HES7: variants seen among roughly 807,000 people sequenced by gnomAD.
HES7 encodes the protein transcription factor HES-7.
Under a neutral mutation model 18.0 loss-of-function variants are expected in HES7, and 8 were observed. The observed-to-expected ratio is 0.45, with a 90% CI of 0.26 to 0.80. The LOEUF is 0.80. Ranked by LOEUF, HES7 falls within the 30% of genes least tolerant of loss-of-function variation. HES7 has a pLI of 0.18. For missense variants in HES7, 356 were observed against 340.9 expected (o/e 1.04, Z -0.35); for synonymous variants, 170 against 158.6 (o/e 1.07, Z -0.54).
In HES7 at chr17:8,122,732, T is replaced by A. The variant is rs546391902; in HGVS notation, c.138+299A>T. Among the ~76,000 whole-genome samples the A allele has an allele frequency of 2.6e-5, 4 of 152,150 alleles. No homozygotes were observed. The South Asian group carries it at 8.3e-4, about 32-fold the overall frequency. On this transcript the variant is annotated intron_variant, in intron 2 of 3. Transcript: ENST00000541682. The surrounding 1 kb of genome is among the most constrained non-coding windows in gnomAD (Gnocchi z 6.9). The stretch of plus-strand genomic sequence containing the variant: ...ACCCGACATAACAGAGGCTGGCTCA[T>A]CAGAGGCTGGCTGTGGGGGAGGGGG...
At position 8,123,968 on chromosome 17, in the gene HES7, C is replaced by T; in HGVS notation, c.42+75G>A. The T allele has an allele frequency of 3.2e-6, 5 of 1,551,838 alleles. No individual in the cohort carries two copies. Among genetic ancestry groups the T allele is most frequent in the Non-Finnish European group, 4.4e-6 (5 of 1,128,522 alleles). The stretch of plus-strand genomic sequence containing the variant: ...CCACCCCTGCGTCCCCAGCCTCTCT[C>T]CAGACCGACGGCGTCAGGGGCCCAG... On this transcript the variant is annotated intron_variant, in intron 1 of 3. Transcript: ENST00000541682. This position sits in a 1 kb window ranked among gnomAD's most constrained non-coding sequence, Gnocchi z 5.9.
At position 8,120,705 on chromosome 17, in the gene HES7, T is replaced by C. The variant is rs1981243405; in HGVS notation, c.*866A>G. ...AGCTCTGCACTCGCTCGCTCAGCCA[T>C]TTTCGGTTGCTCTCCCTCCCTGTTT... On this transcript the variant is annotated 3_prime_UTR_variant, in exon 4 of 4. Transcript: ENST00000541682. 1 of 152,638 alleles carries C rather than the reference T, an allele frequency of 6.6e-6. No homozygotes were observed. Among genetic ancestry groups the C allele is most frequent in the South Asian group, 2.1e-4 (1 of 4,824 alleles). 9.5% of individuals were successfully genotyped at this position (152,638 alleles called of 1,614,324 possible). A position where few individuals can be genotyped will look rare whatever the true frequency, so the allele number is the denominator to read the frequency against.
At chr17:8,125,744 G>A (rs1030252595), upstream of HES7, among the ~76,000 whole-genome samples, 1 of 152,192 alleles carries the variant, frequency 6.6e-6, no homozygotes, top group East Asian at 1.9e-4. Flanking sequence ...TCTTTAAGCC[G>A]CGCATTGGTG....
chr17:8,121,751 C>T lies in HES7; in HGVS notation c.513G>A (p.Gln171=). The T allele has an allele frequency of 6.7e-7, 1 of 1,483,400 alleles. No individual in the cohort carries two copies. Among genetic ancestry groups the T allele is most frequent in the Non-Finnish European group, 8.9e-7 (1 of 1,129,688 alleles). 91.9% of individuals were successfully genotyped at this position (1,483,400 alleles called of 1,614,324 possible). A position where few individuals can be genotyped will look rare whatever the true frequency, so the allele number is the denominator to read the frequency against. The part of the protein sequence containing the change: ...PALHQRPPVH[Q]GHPSPRCAWS... ...ATGCGCAGCGCGGGCTAGGGTGGCC[C>T]TGGTGCACTGGGGGGCGCTGGTGCA... The change falls in exon 4 of 4, where the codon CAG becomes CAA. Residue 171 remains glutamine, a synonymous_variant. Coordinates refer to ENST00000541682, the MANE Select transcript of HES7 (RefSeq NM_001165967.2).
chr17:8,121,733 G>C lies in HES7; in HGVS notation c.531C>G (p.Arg177=). The C allele has an allele frequency of 7.0e-7, 1 of 1,422,462 alleles. No homozygotes were observed. Among genetic ancestry groups the C allele is most frequent in the South Asian group, 1.5e-5 (1 of 66,352 alleles). The allele number at this position is 1,422,462 out of a possible 1,614,324, so 88.1% of individuals were successfully genotyped here. ...AGCAGAGGGATGGGGACCATGCGCAGCGCGGGCTAGGGTGGCCCTGGTGCA... is the reference window on the plus strand; with the variant it reads ...AGCAGAGGGATGGGGACCATGCGCACCGCGGGCTAGGGTGGCCCTGGTGCA... ...PPVHQGHPSP[R]CAWSPSLCSP... Residue 177 remains arginine (R), a synonymous_variant, in exon 4 of 4, where the codon CGC becomes CGG. Transcript: ENST00000541682.
In HES7 at chr17:8,120,872, C is replaced by A. The variant is rs1256610708; in HGVS notation, c.*699G>T. 6.5e-6 allele frequency: 1 copy of A among 152,698 alleles called. No individual in the cohort carries two copies. Among genetic ancestry groups the A allele is most frequent in the East Asian group, 1.9e-4 (1 of 5,202 alleles). The allele number at this position is 152,698 out of a possible 1,614,324, so 9.5% of individuals were successfully genotyped here. On this transcript the variant is annotated 3_prime_UTR_variant, in exon 4 of 4. Transcript: ENST00000541682. ...CCCTTAGCCCCGCTCCCCAACCCTGCCCCATTCCCACTCTAGTACCCGTAA... is the reference window on the plus strand; with the variant it reads ...CCCTTAGCCCCGCTCCCCAACCCTGACCCATTCCCACTCTAGTACCCGTAA...
In HES7 at chr17:8,123,487, G is replaced by C. The variant is rs540970072; in HGVS notation, c.43-361C>G. The C allele has an allele frequency of 5.2e-6, 2 of 383,084 alleles. No individual in the cohort carries two copies. The highest frequency in any genetic ancestry group is 9.7e-6 in the Non-Finnish European group (2 of 206,208). 23.7% of individuals were successfully genotyped at this position (383,084 alleles called of 1,614,324 possible). A position where few individuals can be genotyped will look rare whatever the true frequency, so the allele number is the denominator to read the frequency against. ...GCACGCACGTGCGCCGCACGGTGCCGGGCTCAGACCTGGCGGCCCTGAGTA... is the reference window on the plus strand; with the variant it reads ...GCACGCACGTGCGCCGCACGGTGCCCGGCTCAGACCTGGCGGCCCTGAGTA... On this transcript the variant is annotated intron_variant, in intron 1 of 3. Transcript: ENST00000541682. This position sits in a 1 kb window ranked among gnomAD's most constrained non-coding sequence, Gnocchi z 5.9.
In HES7 at chr17:8,122,061, G is replaced by C. The variant is rs531122988; in HGVS notation, c.227-24C>G. 518 of 1,488,230 alleles carry C rather than the reference G, an allele frequency of 3.5e-4. 3 individuals carry two copies. The African/African-American group carries it at 6.5e-3, about 19-fold the overall frequency. The allele number at this position is 1,488,230 out of a possible 1,614,324, so 92.2% of individuals were successfully genotyped here. ...GGCTGGTGCGGCCGGCGGGAGCACA[G>C]GTGGGCAGGGCAGGGGCCCGGCAGG... On this transcript the variant is annotated intron_variant, in intron 3 of 3. Transcript: ENST00000541682. The surrounding 1 kb of genome is among the most constrained non-coding windows in gnomAD (Gnocchi z 6.9).
rs1346333224 is a variant in HES7, at chr17:8,121,984, C to T, written c.280G>A (p.Ala94Thr). Reference protein sequence around the residue: ...RSPVQDAEALASCYLSGFREC... With the variant: ...RSPVQDAEALTSCYLSGFREC... ...CGGAAACCGGACAAGTAGCAGCTGG[C>T]GAGCGCCTCGGCGTCCTGGACTGGG... The change falls in exon 4 of 4, where the codon GCC becomes ACC. Residue 94 changes from alanine to threonine, a missense_variant. Transcript: ENST00000541682. 1 of 1,535,678 alleles carries T rather than the reference C, an allele frequency of 6.5e-7. No homozygotes were observed. Among genetic ancestry groups the T allele is most frequent in the Non-Finnish European group, 8.7e-7 (1 of 1,150,450 alleles).
In HES7 at chr17:8,122,158, G is replaced by C. The variant is rs1419392924; in HGVS notation, c.227-121C>G. ...CACAGAGACAGGAAGCCAGATGGAC[G>C]GAAAGAGGGAGAAAATGAGGGAGAC... On this transcript the variant is annotated intron_variant, in intron 3 of 3. Coordinates refer to ENST00000541682, the MANE Select transcript of HES7 (RefSeq NM_001165967.2). The surrounding 1 kb of genome is among the most constrained non-coding windows in gnomAD (Gnocchi z 6.9). The C allele has an allele frequency of 1.0e-6, 1 of 997,070 alleles. No homozygotes were observed. The highest frequency in any genetic ancestry group is 1.4e-6 in the Non-Finnish European group (1 of 693,648). The allele number at this position is 997,070 out of a possible 1,614,324, so 61.8% of individuals were successfully genotyped here. A position where few individuals can be genotyped will look rare whatever the true frequency, so the allele number is the denominator to read the frequency against.
chr17:8,122,028 G>A lies in HES7; in HGVS notation c.236C>T (p.Ala79Val), dbSNP rs768755302. Residue 79 changes from alanine to valine, a missense_variant, in exon 4 of 4, where the codon GCT becomes GTT. Ala to Val is a moderately conservative substitution (Grantham distance 64). Transcript: ENST00000541682. The surrounding 1 kb of genome is among the most constrained non-coding windows in gnomAD (Gnocchi z 6.9). The part of the protein sequence containing the change: ...RSRVEPPAAA[A>V]PGVPRSPVQD... ...GACTGGGGACCGGGGAACCCCTGGAGCCGCGGCGGCTGGTGCGGCCGGCGG... is the reference window on the plus strand; with the variant it reads ...GACTGGGGACCGGGGAACCCCTGGAACCGCGGCGGCTGGTGCGGCCGGCGG... 4.6e-6 allele frequency: 7 copies of A among 1,509,284 alleles called. No individual in the cohort carries two copies. The African/African-American group carries it at 8.6e-5, about 19-fold the overall frequency. The allele number at this position is 1,509,284 out of a possible 1,614,324, so 93.5% of individuals were successfully genotyped here. A position where few individuals can be genotyped will look rare whatever the true frequency, so the allele number is the denominator to read the frequency against.
At position 8,121,770 on chromosome 17, in the gene HES7, T is replaced by C; in HGVS notation, c.494A>G (p.Gln165Arg). ...GTGGCCCTGGTGCACTGGGGGGCGC[T>C]GGTGCAGCGCAGGGCCAAGGGCCGG... ...AAPALGPALHQRPPVHQGHPS... is the reference protein window; with the variant it reads ...AAPALGPALHRRPPVHQGHPS... The change falls in exon 4 of 4, where the codon CAG (glutamine) becomes CGG (arginine). Residue 165 changes from glutamine (Q) to arginine (R), a missense_variant. Physicochemically the swap from Gln to Arg is conservative, Grantham distance 43. Transcript: ENST00000541682. The C allele has an allele frequency of 1.3e-6, 2 of 1,518,968 alleles. No individual in the cohort carries two copies. Among genetic ancestry groups the C allele is most frequent in the Non-Finnish European group, 1.7e-6 (2 of 1,146,252 alleles). The allele number at this position is 1,518,968 out of a possible 1,614,324, so 94.1% of individuals were successfully genotyped here.
At position 8,123,683 on chromosome 17, in the gene HES7, C is replaced by A. The variant is rs1365591441; in HGVS notation, c.42+360G>T. On this transcript the variant is annotated intron_variant, in intron 1 of 3. Transcript: ENST00000541682. This position sits in a 1 kb window ranked among gnomAD's most constrained non-coding sequence, Gnocchi z 5.9. ...CCTTGGGCCAGCCCCGCCCGGCTCACAGCCAGAGTGGAGCAAGTGCCTATC... is the reference window on the plus strand; with the variant it reads ...CCTTGGGCCAGCCCCGCCCGGCTCAAAGCCAGAGTGGAGCAAGTGCCTATC... Among the ~76,000 whole-genome samples, 1 of 152,248 alleles carries A rather than the reference C, an allele frequency of 6.6e-6. No individual in the cohort carries two copies. Among genetic ancestry groups the A allele is most frequent in the African/African-American group, 2.4e-5 (1 of 41,472 alleles).
At position 8,121,809 on chromosome 17, in the gene HES7, A is replaced by G; in HGVS notation, c.455T>C (p.Leu152Pro). The part of the protein sequence containing the change: ...DPRPPAPRPS[L>P]DPAAPALGPA... Reference sequence around the variant, plus strand: ...GCCAAGGGCCGGTGCGGCGGGGTCCAGGGATGGGCGCGGCGCTGGAGGCCT... The same window carrying G: ...GCCAAGGGCCGGTGCGGCGGGGTCCGGGGATGGGCGCGGCGCTGGAGGCCT... The change falls in exon 4 of 4, where the codon CTG (leucine) becomes CCG (proline). Residue 152 changes from leucine to proline, a missense_variant. Coordinates refer to ENST00000541682, the MANE Select transcript of HES7 (RefSeq NM_001165967.2). 2 of 1,565,236 alleles carry G rather than the reference A, an allele frequency of 1.3e-6. No individual in the cohort carries two copies. Among genetic ancestry groups the G allele is most frequent in the Admixed American group, 1.8e-5 (1 of 56,782 alleles).
upstream of HES7, among the ~76,000 whole-genome samples, chr17:8,124,305 G>T (rs1368461927): frequency 6.6e-6 from 1 of 152,130 alleles, no homozygotes; most frequent in Admixed American, 6.5e-5. Context: ...GTGAATGGGG[G>T]CACTGGCTGG....
In HES7 at chr17:8,121,492, G is replaced by T; in HGVS notation, c.*79C>A. On this transcript the variant is annotated 3_prime_UTR_variant, in exon 4 of 4. Coordinates refer to ENST00000541682, the MANE Select transcript of HES7 (RefSeq NM_001165967.2). ...GCCCTCCCCAACACCTGCTCGCCCG[G>T]ACGCCCGGGTCCCTCTGCTGCCCTC... The T allele has an allele frequency of 8.2e-7, 1 of 1,219,504 alleles. No individual in the cohort carries two copies. The highest frequency in any genetic ancestry group is 1.0e-6 in the Non-Finnish European group (1 of 967,956). The allele number at this position is 1,219,504 out of a possible 1,614,324, so 75.5% of individuals were successfully genotyped here.
At chr17:8,124,372 T>C (rs1371509675), upstream of HES7, among the ~76,000 whole-genome samples, 1 of 152,128 alleles carries the variant, frequency 6.6e-6, no homozygotes, top group African/African-American at 2.4e-5. Context: ...GAGGAGGCTA[T>C]TGGGGCAGAG....
In HES7 at chr17:8,121,649, T is replaced by C. The variant is rs911422224; in HGVS notation, c.615A>G (p.Pro205=). 4.9e-5 allele frequency: 65 copies of C among 1,313,502 alleles called. No homozygotes were observed. Among genetic ancestry groups the C allele is most frequent in the Non-Finnish European group, 6.2e-5 (64 of 1,038,836 alleles). 81.4% of individuals were successfully genotyped at this position (1,313,502 alleles called of 1,614,324 possible). A position where few individuals can be genotyped will look rare whatever the true frequency, so the allele number is the denominator to read the frequency against. Residue 205 remains proline (P), a synonymous_variant, in exon 4 of 4, where the codon CCA becomes CCG. Transcript: ENST00000541682. ...CCCCGTCTTGTCTGTGAGGCGGCGG[T>C]GGCGGCGGCAGCAGTCCGGTGAGGG... The part of the protein sequence containing the change: ...PAPLTGLLPP[P]PPPHRQDGAP...
At chr17:8,126,589 G>T (rs1478414814), upstream of HES7, among the ~76,000 whole-genome samples, 2 of 152,180 alleles carry the variant, frequency 1.3e-5, no homozygotes, top group African/African-American at 4.8e-5. Context: ...CCGAGGGCGG[G>T]CGGGTGGGCG....
Sources: allele counts gnomAD v4.1 joint callset (sites outside exome capture counted in the v4.1 genomes callset), GRCh38; gene constraint gnomAD v4.1.1; non-coding constraint Gnocchi (gnomAD v3.1); transcripts MANE v1.5; gene names NCBI Gene and HGNC (gene_info 2026-07-23, HGNC 2026-07-21).